The following NECTIN1 variants were observed in gnomAD, a reference collection of about 807,000 sequenced individuals.
The protein encoded by NECTIN1 is nectin-1.
NECTIN1 carries 23 observed loss-of-function variants against 48.0 expected under a neutral mutation model. The observed-to-expected ratio is 0.48, with a 90% CI of 0.34 to 0.68. The LOEUF is 0.68. Among genes scored for constraint, NECTIN1 ranks in the 30% least tolerant of loss-of-function variants. The probability of loss-of-function intolerance (pLI) is 0.01; values close to 1 mark genes in which losing one functional copy is unlikely to be tolerated. For synonymous variants in NECTIN1, 270 were observed against 288.9 expected (o/e 0.93, Z 0.66); for missense variants, 591 against 709.9 (o/e 0.83, Z 1.90).
Position 119,664,966 on chromosome 11 carries a change from G to T in NECTIN1, c.1335C>A (p.Gly445=). ...SYEEEEEEEE[G]GGGGERKVGG... ...CCACCTTGCGCTCGCCCCCTCCACC[G>T]CCCTCCTCCTCCTCCTCCTCCTCCT... Residue 445 remains glycine, a synonymous_variant, in exon 6 of 6, where the codon GGC becomes GGA. Coordinates refer to ENST00000264025, the MANE Select transcript of NECTIN1 (RefSeq NM_002855.5). The T allele has an allele frequency of 6.3e-7, 1 of 1,591,304 alleles. No homozygotes were observed. Among genetic ancestry groups the T allele is most frequent in the Non-Finnish European group, 8.6e-7 (1 of 1,160,452 alleles).
At chr11:119,687,891 G>C (rs1326384084) in intron 1 of NECTIN1, among the ~76,000 whole-genome samples, 2 of 152,220 alleles carry the variant, frequency 1.3e-5, no homozygotes, top group Admixed American at 1.3e-4. Flanking sequence ...GGATGGCCGG[G>C]GGGGTGAGTG....
chr11:119,689,808 G>C (rs1865221290), intron 1 of NECTIN1, among the ~76,000 whole-genome samples: 1 of 152,222 alleles, frequency 6.6e-6, no homozygotes, highest in African/African-American at 2.4e-5. Flanking sequence ...CCACAGCACA[G>C]TGGTGACCTT....
chr11:119,653,026 G>A lies in NECTIN1; in HGVS notation c.1004-13014C>T, dbSNP rs573900279. On this transcript the variant is annotated intron_variant, in intron 5 of 7. Transcript: ENST00000341398. ...AAAGAGCTGCAAAAATAGTATACTC[G>A]ATTGTATTCTATGAATAGAATAGAC... Among the ~76,000 whole-genome samples, 5 of 152,246 alleles carry A rather than the reference G, an allele frequency of 3.3e-5. No individual in the cohort carries two copies. In the East Asian group the frequency reaches 5.8e-4, roughly 18 times the overall value.
At chr11:119,724,690 C>T (rs1430042443) in intron 1 of NECTIN1, among the ~76,000 whole-genome samples, 1 of 152,206 alleles carries the variant, frequency 6.6e-6, no homozygotes, top group African/African-American at 2.4e-5. Context: ...CCCATAGTGA[C>T]CCACAGACAC....
chr11:119,725,941 C>G (rs1474502570), intron 1 of NECTIN1, among the ~76,000 whole-genome samples: 1 of 152,216 alleles, frequency 6.6e-6, no homozygotes, highest in Non-Finnish European at 1.5e-5. Context: ...CCCACTGACC[C>G]TCTCCTCTAA....
chr11:119,651,903 T>G (rs549719365), intron 5 of NECTIN1, among the ~76,000 whole-genome samples: 1 of 152,230 alleles, frequency 6.6e-6, no homozygotes, highest in East Asian at 1.9e-4. Flanking sequence ...TGCCAGGCCC[T>G]TTGTTCCACA....
In NECTIN1 at chr11:119,672,120, T is replaced by C. The variant is rs80214591; in HGVS notation, c.1003+3039A>G. Among the ~76,000 whole-genome samples, 3,615 of 152,304 alleles carry C rather than the reference T, an allele frequency of 0.024. 112 individuals carry two copies. Among genetic ancestry groups the C allele is most frequent in the African/African-American group, 0.073 (3,040 of 41,552 alleles). On this transcript the variant is annotated intron_variant, in intron 5 of 5. Transcript: ENST00000264025. The surrounding 1 kb of genome is among the most constrained non-coding windows in gnomAD (Gnocchi z 4.3). ...TGATGGGCAGACTGTGACCCTCACC[T>C]GCAAGGGATGAGCCCGGGCTTCACT...
Position 119,728,541 on chromosome 11 carries a change from C to T in NECTIN1, c.13G>A (p.Gly5Arg). ...CAGCGTCCAGCGGCGCCCGCAAGCC[C>T]CATCCGAGCCATCGGGGGCCGGGGG... is the stretch of plus-strand genomic sequence containing the variant. The part of the protein sequence containing the change: MARM[G>R]LAGAAGRWWG... The change falls in exon 1 of 6, where the codon GGG (glycine) becomes AGG (arginine). Residue 5 changes from glycine (G) to arginine (R), a missense_variant. Coordinates refer to ENST00000264025, the MANE Select transcript of NECTIN1 (RefSeq NM_002855.5). The T allele has an allele frequency of 6.3e-7, 1 of 1,583,536 alleles. No individual in the cohort carries two copies. Among genetic ancestry groups the T allele is most frequent in the African/African-American group, 1.4e-5 (1 of 73,380 alleles).
chr11:119,668,603 C>T (rs4938704), intron 5 of NECTIN1, among the ~76,000 whole-genome samples: 73,486 of 152,056 alleles, frequency 0.48, 18,874 homozygotes, highest in African/African-American at 0.66. Flanking sequence ...TCTCCAGCCC[C>T]TTCTTCAGGA....
At chr11:119,669,673 C>A (rs1031526626) in intron 5 of NECTIN1, among the ~76,000 whole-genome samples, 4 of 152,140 alleles carry the variant, frequency 2.6e-5, no homozygotes, top group Admixed American at 6.5e-5. Flanking sequence ...CCCTACGCCC[C>A]GCCCCACCTC....
Position 119,662,736 on chromosome 11 carries a change from A to G in NECTIN1, c.*2011T>C. The stretch of plus-strand genomic sequence containing the variant: ...AAGGTCCCCTGTCCTGGGGGACACT[A>G]ATACTGCTGGGAAAAGCAGCCCAGC... On this transcript the variant is annotated 3_prime_UTR_variant, in exon 6 of 6. Transcript: ENST00000264025. This position sits in a 1 kb window ranked among gnomAD's most constrained non-coding sequence, Gnocchi z 5.3. 1.0e-6 allele frequency: 1 copy of G among 984,166 alleles called. No individual in the cohort carries two copies. Among genetic ancestry groups the G allele is most frequent in the African/African-American group, 1.8e-5 (1 of 55,422 alleles). The allele number at this position is 984,166 out of a possible 1,614,324, so 61.0% of individuals were successfully genotyped here.
At chr11:119,676,243 G>A (rs1864945694) in intron 4 of NECTIN1, among the ~76,000 whole-genome samples, 1 of 152,134 alleles carries the variant, frequency 6.6e-6, no homozygotes, top group South Asian at 2.1e-4. Flanking sequence ...CCTTCCTCCT[G>A]ACCCTCAAAG....
At chr11:119,686,252 C>T (rs1168739352) in intron 1 of NECTIN1, among the ~76,000 whole-genome samples, 1 of 152,222 alleles carries the variant, frequency 6.6e-6, no homozygotes, top group Non-Finnish European at 1.5e-5. Context: ...CCTCCCTCCA[C>T]CTCACCTCCG....
At chr11:119,702,252 C>T (rs1865469817) in intron 1 of NECTIN1, among the ~76,000 whole-genome samples, 1 of 152,218 alleles carries the variant, frequency 6.6e-6, no homozygotes, top group Non-Finnish European at 1.5e-5. Flanking sequence ...ATTAACCTTT[C>T]CCACCAGGGC....
At chr11:119,653,307 G>A (rs1380978636) in intron 5 of NECTIN1, among the ~76,000 whole-genome samples, 2 of 152,210 alleles carry the variant, frequency 1.3e-5, no homozygotes, top group Non-Finnish European at 2.9e-5. Context: ...CTATCCTCTC[G>A]CTTCCTATGT....
chr11:119,719,908 A>T (rs1255665057), intron 1 of NECTIN1, among the ~76,000 whole-genome samples: 2 of 152,190 alleles, frequency 1.3e-5, no homozygotes, highest in African/African-American at 4.8e-5. Flanking sequence ...GCTTCACAAT[A>T]GAAGTGGCTC....
chr11:119,678,315 C>A lies in NECTIN1; in HGVS notation c.430+100G>T. 1 of 1,145,684 alleles carries A rather than the reference C, an allele frequency of 8.7e-7. No homozygotes were observed. The highest frequency in any genetic ancestry group is 1.2e-5 in the South Asian group (1 of 81,342). The allele number at this position is 1,145,684 out of a possible 1,614,324, so 71.0% of individuals were successfully genotyped here. A position where few individuals can be genotyped will look rare whatever the true frequency, so the allele number is the denominator to read the frequency against. ...CCTAGAATGATGGCAGCATGCCCAC[C>A]CAAGGGGGATGTCTGGGGTCATTGA... is the stretch of plus-strand genomic sequence containing the variant. On this transcript the variant is annotated intron_variant, in intron 2 of 5. Transcript: ENST00000264025. The surrounding 1 kb of genome is among the most constrained non-coding windows in gnomAD (Gnocchi z 4.4).
intron 5 of NECTIN1, among the ~76,000 whole-genome samples, chr11:119,648,627 G>T (rs1864447856): frequency 6.6e-6 from 1 of 151,798 alleles, no homozygotes; most frequent in Non-Finnish European, 1.5e-5. Flanking sequence ...ATTGTGCCCT[G>T]AAGAGCTCTA....
At chr11:119,668,441 G>T (rs1008922495) in intron 5 of NECTIN1, among the ~76,000 whole-genome samples, 1 of 152,160 alleles carries the variant, frequency 6.6e-6, no homozygotes, top group Non-Finnish European at 1.5e-5. Context: ...GGCCTTCAAA[G>T]CTTCCATCAT....
Sources: gnomAD v4.1 joint callset for allele counts (sites outside exome capture counted in the v4.1 genomes callset) on GRCh38, gnomAD v4.1.1 for gene constraint, Gnocchi (gnomAD v3.1) non-coding constraint, MANE v1.5 for transcripts, NCBI Gene and HGNC (gene_info 2026-07-23, HGNC 2026-07-21) for gene names.